HAUS2: variants seen among roughly 807,000 people sequenced by gnomAD.
The protein encoded by HAUS2 is HAUS augmin like complex subunit 2, also known as HAUS augmin-like complex subunit 2.
A neutral mutation model predicts 21.6 loss-of-function variants in HAUS2; 20 were observed. The ratio of observed to expected loss-of-function variants is 0.93; its 90% CI spans 0.65 to 1.35. The LOEUF (loss-of-function observed/expected upper bound fraction) is 1.35. Ranked by LOEUF, HAUS2 falls within the 40% of genes most tolerant of loss-of-function variation. HAUS2 has a pLI of 0.00. For missense variants in HAUS2, 297 were observed against 280.7 expected (o/e 1.06, Z -0.42); for synonymous variants, 113 against 95.6 (o/e 1.18, Z -1.06).
intron 5 of HAUS2, among the ~76,000 whole-genome samples, chr15:42,564,904 C>G (rs1014405553): frequency 6.6e-6 from 1 of 152,212 alleles, no homozygotes; most frequent in Non-Finnish European, 1.5e-5. Flanking sequence ...GGCACAATCT[C>G]GGCTCAGTGC....
Position 42,567,280 on chromosome 15 carries a change from A to G in HAUS2, c.*464A>G, listed in dbSNP as rs1411981383. On this transcript the variant is annotated 3_prime_UTR_variant, in exon 6 of 6. Transcript: ENST00000260372. ...GCCGACCATGGTGGTGCATGCCTGT[A>G]GTCCCAGCTATTCGGGAGGCTGAGG... The G allele has an allele frequency of 6.1e-6, 1 of 163,244 alleles. No homozygotes were observed. The highest frequency in any genetic ancestry group is 1.3e-5 in the Non-Finnish European group (1 of 75,804). 10.1% of individuals were successfully genotyped at this position (163,244 alleles called of 1,614,324 possible).
intron 3 of HAUS2, chr15:42,560,641 G>A (rs1201488613): frequency 2.3e-6 from 1 of 440,462 alleles, no homozygotes; most frequent in African/African-American, 2.1e-5. Flanking sequence ...TTTTTTAAGA[G>A]TGTGTCACTC....
intron 1 of HAUS2, among the ~76,000 whole-genome samples, chr15:42,551,002 T>TC (rs2057720478): frequency 6.7e-6 from 1 of 149,648 alleles, no homozygotes; most frequent in Non-Finnish European, 1.5e-5. Context: ...CTTTTCTTTT[T>TC]TTTTTTTTTC....
chr15:42,566,639 G>T lies in HAUS2; in HGVS notation c.531G>T (p.Val177=). ...NQALAKMDIL[V]TETEELAENI... ...CTTTAGCAAAGATGGATATATTGGT[G>T]ACTGAGACAGAAGAACTGGCAGAGA... The change falls in exon 6 of 6, where the codon GTG becomes GTT. Residue 177 remains valine (V), a synonymous_variant. Coordinates refer to ENST00000260372, the MANE Select transcript of HAUS2 (RefSeq NM_018097.3). 1.2e-6 allele frequency: 2 copies of T among 1,608,210 alleles called. No individual in the cohort carries two copies. The highest frequency in any genetic ancestry group is 2.2e-5 in the South Asian group (2 of 90,948).
rs2057824629 is a variant in HAUS2 at position 42,559,332 on chromosome 15, C to T, written c.187-7C>T. 5 of 1,554,112 alleles carry T rather than the reference C, an allele frequency of 3.2e-6. No homozygotes were observed. Among genetic ancestry groups the T allele is most frequent in the African/African-American group, 2.7e-5 (2 of 73,778 alleles). On this transcript the variant is annotated splice_polypyrimidine_tract_variant and splice_region_variant and intron_variant, in intron 2 of 5. Coordinates refer to ENST00000260372, the MANE Select transcript of HAUS2 (RefSeq NM_018097.3). ...TGAGCTAAATGTTACTTTTGTTCCT[C>T]ATGTAGAAAAACCTGGAAATTGAAC...
At chr15:42,558,133 C>G (rs796948418) in intron 1 of HAUS2, 65 bp from the exon 2 acceptor site, 2 of 719,094 alleles carry the variant, frequency 2.8e-6, no homozygotes, top group African/African-American at 3.6e-5. Context: ...TATGGGCATG[C>G]TATTCCAATG....
intron 5 of HAUS2, among the ~76,000 whole-genome samples, chr15:42,565,438 T>C (rs2057897258): frequency 6.6e-6 from 1 of 151,044 alleles, no homozygotes; most frequent in Non-Finnish European, 1.5e-5. Flanking sequence ...TGTGTTTTCT[T>C]TTTTTAGTGA....
At position 42,563,774 on chromosome 15, in the gene HAUS2, G is replaced by C; in HGVS notation, c.415G>C (p.Ala139Pro). The C allele has an allele frequency of 6.4e-7, 1 of 1,565,004 alleles. No homozygotes were observed. Among genetic ancestry groups the C allele is most frequent in the Non-Finnish European group, 8.8e-7 (1 of 1,139,432 alleles). Residue 139 changes from alanine to proline, a missense_variant, in exon 5 of 6, where the codon GCT becomes CCT. Physicochemically the swap from Ala to Pro is conservative, Grantham distance 27 (BLOSUM62 -1). Transcript: ENST00000260372. ...HRYMVHLLELAVTFIERLETH... is the reference protein window; with the variant it reads ...HRYMVHLLELPVTFIERLETH... ...ATATATGGTACATTTGCTGGAGTTG[G>C]CTGTGACTTTCATTGAGAGATTAGA...
chr15:42,564,760 A>C (rs150418590), intron 5 of HAUS2, among the ~76,000 whole-genome samples: 2,260 of 152,344 alleles, frequency 0.015, 125 homozygotes, highest in Admixed American at 0.11. Context: ...AAGTGCTGAG[A>C]TCACAGGCAT....
intron 1 of HAUS2, among the ~76,000 whole-genome samples, chr15:42,557,297 C>A (rs2057788790): frequency 9.4e-6 from 1 of 105,876 alleles, no homozygotes; most frequent in African/African-American, 3.6e-5. Flanking sequence ...ACCTGTGCGA[C>A]AGAGTGAGAC....
chr15:42,558,333 T>G (rs750588471), intron 2 of HAUS2, 43 bp downstream of exon 2: 5 of 822,252 alleles, frequency 6.1e-6, no homozygotes, highest in African/African-American at 3.9e-5. Flanking sequence ...TTTTTTTTTT[T>G]TTTTTGAGAC....
chr15:42,562,517 C>T (rs2057862364), intron 4 of HAUS2, among the ~76,000 whole-genome samples: 1 of 152,196 alleles, frequency 6.6e-6, no homozygotes, highest in Non-Finnish European at 1.5e-5. Flanking sequence ...ATCACTTGAA[C>T]CCAGGAGGCA....
chr15:42,566,467 T>C lies in HAUS2; in HGVS notation c.499-140T>C, dbSNP rs2057908191. 3.3e-5 allele frequency: 20 copies of C among 613,678 alleles called. No homozygotes were observed. The East Asian group carries it at 5.0e-4, about 15-fold the overall frequency. The allele number at this position is 613,678 out of a possible 1,614,324, so 38.0% of individuals were successfully genotyped here. ...AAGAGTAGGTTTGTACTGTAAGAAG[T>C]GGGAAAGCACAGTTTTAAGGAGCTT... On this transcript the variant is annotated intron_variant, in intron 5 of 5. Transcript: ENST00000260372.
chr15:42,556,346 C>T (rs1203747150), intron 1 of HAUS2, among the ~76,000 whole-genome samples: 4 of 144,374 alleles, frequency 2.8e-5, no homozygotes, highest in African/African-American at 5.3e-5. Context: ...CTCACCACAA[C>T]CTTGTCTCCT....
rs577748591 is a variant in HAUS2 at position 42,555,871 on chromosome 15, A to C, written c.94-2327A>C. Among the ~76,000 whole-genome samples, 3 of 152,322 alleles carry C rather than the reference A, an allele frequency of 2.0e-5. No individual in the cohort carries two copies. The East Asian group carries it at 5.8e-4, about 29-fold the overall frequency. On this transcript the variant is annotated intron_variant, in intron 1 of 5. Coordinates refer to ENST00000260372, the MANE Select transcript of HAUS2 (RefSeq NM_018097.3). The stretch of plus-strand genomic sequence containing the variant: ...GGTGGTTGTATAAAAGCAGCCAGAG[A>C]TAGTGTGTAAATGGATGAGAGAAGT...
intron 1 of HAUS2, among the ~76,000 whole-genome samples, chr15:42,551,390 C>T (rs2057723770): frequency 1.3e-5 from 2 of 151,964 alleles, no homozygotes; most frequent in Non-Finnish European, 2.9e-5. Flanking sequence ...CCTGTAATCC[C>T]AACACTTTGG....
intron 1 of HAUS2, among the ~76,000 whole-genome samples, chr15:42,551,015 A>G (rs1460245811): frequency 1.7e-5 from 2 of 120,588 alleles, no homozygotes; most frequent in Non-Finnish European, 3.5e-5. Flanking sequence ...TTTTTTTCTG[A>G]GACATAGTCT....
At chr15:42,558,483 A>T (rs8025977) in intron 2 of HAUS2, among the ~76,000 whole-genome samples, 193 bp downstream of exon 2, 1 of 151,804 alleles carries the variant, frequency 6.6e-6, no homozygotes, top group African/African-American at 2.4e-5. Flanking sequence ...GCCCGCCACC[A>T]TGCCCGGCTA....
intron 4 of HAUS2, among the ~76,000 whole-genome samples, chr15:42,562,318 G>A (rs572452989): frequency 1.3e-5 from 2 of 152,322 alleles, no homozygotes; most frequent in South Asian, 4.1e-4. Flanking sequence ...AAACAAGGCT[G>A]GGCACAGTGG....
Sources: allele counts gnomAD v4.1 joint callset (sites outside exome capture counted in the v4.1 genomes callset), GRCh38; gene constraint gnomAD v4.1.1; transcripts MANE v1.5; gene names NCBI Gene and HGNC (gene_info 2026-07-23, HGNC 2026-07-21).